The following ARAP1 variants were observed in gnomAD, a reference collection of about 807,000 sequenced individuals.
ARAP1 encodes the protein arf-GAP with Rho-GAP domain, ANK repeat and PH domain-containing protein 1.
In ARAP1, 76 loss-of-function variants were observed where a neutral mutation model predicts 172.2. That is an observed-to-expected ratio of 0.44 (90% CI 0.37 to 0.53). The LOEUF is 0.53. Among genes scored for constraint, ARAP1 ranks in the 20% least tolerant of loss-of-function variants. ARAP1 has a pLI of 0.00. For missense variants in ARAP1, 1,686 were observed against 1,977.5 expected, an observed-to-expected ratio of 0.85 and a Z score of 2.80; for synonymous variants, 804 against 803.3, an observed-to-expected ratio of 1.00 and a Z score of -0.01.
At chr11:72,696,842 C>T (rs1417582443) in intron 22 of ARAP1, 141 bp downstream of exon 22, 6 of 1,018,136 alleles carry the variant, frequency 5.9e-6, no homozygotes, top group Admixed American at 2.6e-5. Context: ...TATGGAGCGG[C>T]GATGGGAATG....
Position 72,746,505 on chromosome 11 carries a change from G to A in ARAP1, c.-128+5823C>T, listed in dbSNP as rs1050695020. On this transcript the variant is annotated intron_variant, in intron 1 of 34. Transcript: ENST00000393609. ...CCAACTCGAGGCTTTTTAGGCTCTCGGAACCTAGAATTTCGGAAATTCAGA... is the reference window on the plus strand; with the variant it reads ...CCAACTCGAGGCTTTTTAGGCTCTCAGAACCTAGAATTTCGGAAATTCAGA... 3.3e-5 allele frequency among the ~76,000 whole-genome samples: 5 copies of A among 152,310 alleles called. No homozygotes were observed. The East Asian group carries it at 5.8e-4, about 18-fold the overall frequency.
At chr11:72,734,664 G>T (rs1014830584) in intron 1 of ARAP1, among the ~76,000 whole-genome samples, 1 of 152,158 alleles carries the variant, frequency 6.6e-6, no homozygotes, top group Non-Finnish European at 1.5e-5. Flanking sequence ...GATAAAGGGA[G>T]GTTAAACAAC....
intron 3 of ARAP1, among the ~76,000 whole-genome samples, chr11:72,717,192 G>A (rs1350172788): frequency 3.3e-5 from 5 of 152,160 alleles, no homozygotes; most frequent in African/African-American, 7.2e-5. Context: ...GGTCACCTGC[G>A]ATTCCCTTAG....
chr11:72,704,658 C>T, intron 13 of ARAP1: 1 of 300,024 alleles, frequency 3.3e-6, no homozygotes, highest in Non-Finnish European at 6.2e-6. Context: ...GCTCTGCATT[C>T]CTGAGGCTGT....
intron 3 of ARAP1, among the ~76,000 whole-genome samples, chr11:72,719,837 G>A (rs957156145): frequency 6.6e-6 from 1 of 152,038 alleles, no homozygotes; most frequent in East Asian, 1.9e-4. Context: ...CATACTTACA[G>A]GCCTTTAATA....
chr11:72,735,798 T>C (rs992414532), intron 1 of ARAP1, among the ~76,000 whole-genome samples: 3 of 152,198 alleles, frequency 2.0e-5, no homozygotes, highest in Middle Eastern at 3.2e-3. Flanking sequence ...TAAGGGCATC[T>C]GGCTAACATC....
intron 14 of ARAP1, chr11:72,703,483 A>C: frequency 1.2e-5 from 2 of 165,212 alleles, no homozygotes; most frequent in Non-Finnish European, 2.6e-5. Context: ...CTCCCAACCA[A>C]TGGGAGTTGC....
Position 72,726,469 on chromosome 11 carries a change from C to G in ARAP1, c.509+151G>C. ...TCTCCCCTCCTCCTGAGTCACCAGA[C>G]AGCAATCCTGTCCTCCGAGCTTTGC... On this transcript the variant is annotated intron_variant, in intron 3 of 34. Coordinates refer to ENST00000393609, the MANE Select transcript of ARAP1 (RefSeq NM_001040118.3). The surrounding 1 kb of genome is among the most constrained non-coding windows in gnomAD (Gnocchi z 6.5). 3 of 1,104,692 alleles carry G rather than the reference C, an allele frequency of 2.7e-6. No homozygotes were observed. The highest frequency in any genetic ancestry group is 3.8e-6 in the Non-Finnish European group (3 of 798,426). The allele number at this position is 1,104,692 out of a possible 1,614,324, so 68.4% of individuals were successfully genotyped here.
At chr11:72,744,427 A>T (rs970924540) in intron 1 of ARAP1, among the ~76,000 whole-genome samples, 73 of 152,108 alleles carry the variant, frequency 4.8e-4, no homozygotes, top group African/African-American at 1.6e-3. Flanking sequence ...ACCCAGTCCC[A>T]CCCAGTTATA....
At chr11:72,685,921 G>A in intron 34 of ARAP1, 121 bp downstream of exon 34, 1 of 1,560,786 alleles carries the variant, frequency 6.4e-7, no homozygotes, top group Non-Finnish European at 8.8e-7. Context: ...ACCAAGGCTG[G>A]AGGGAGGGGG....
intron 32 of ARAP1, 70 bp downstream of exon 32, chr11:72,687,618 G>A: frequency 3.7e-6 from 6 of 1,612,584 alleles, no homozygotes; most frequent in East Asian, 2.2e-5. Flanking sequence ...CAGTGATGAG[G>A]GACACAATGA....
intron 1 of ARAP1, among the ~76,000 whole-genome samples, chr11:72,738,497 C>G (rs559835422): frequency 2.6e-5 from 4 of 152,224 alleles, no homozygotes; most frequent in African/African-American, 9.6e-5. Flanking sequence ...AAGGAAAGAC[C>G]TAGCCCTATG....
intron 5 of ARAP1, 79 bp downstream of exon 5, chr11:72,713,097 G>T: frequency 7.0e-7 from 1 of 1,438,116 alleles, no homozygotes; most frequent in Non-Finnish European, 9.7e-7. Flanking sequence ...CTCTCTGTCT[G>T]GTAGTCCTCA....
chr11:72,727,035 G>T lies in ARAP1; in HGVS notation c.94C>A (p.Leu32Met). The T allele has an allele frequency of 6.2e-7, 1 of 1,610,158 alleles. No homozygotes were observed. The highest frequency in any genetic ancestry group is 1.1e-5 in the South Asian group (1 of 90,440). The change falls in exon 3 of 35, where the codon CTG becomes ATG. Residue 32 changes from leucine to methionine, a missense_variant. Leu to Met is a conservative substitution (Grantham distance 15). Around this residue, in one of 5 missense-constraint regions of ARAP1, gnomAD observed 190 missense variants for 228.6 expected, o/e 0.83. Coordinates refer to ENST00000393609, the MANE Select transcript of ARAP1 (RefSeq NM_001040118.3). ...CCTTGGCACTCAGTGGCCCACACCA[G>T]GCCATGCTGCTCAAAGAGCCCCGTG... ...QYTGLFEQHGLVWATECQGLS... is the reference protein window; with the variant it reads ...QYTGLFEQHGMVWATECQGLS...
intron 3 of ARAP1, among the ~76,000 whole-genome samples, chr11:72,722,685 T>C (rs1298527213): frequency 6.6e-6 from 1 of 152,186 alleles, no homozygotes; most frequent in African/African-American, 2.4e-5. Context: ...TGGCTCCAGC[T>C]GGGCAGCTGC....
rs747086021 is a variant in ARAP1, at chr11:72,713,167, T to C, written c.747+9A>G. 42 of 1,613,668 alleles carry C rather than the reference T, an allele frequency of 2.6e-5. No individual in the cohort carries two copies. The highest frequency in any genetic ancestry group is 3.4e-5 in the Non-Finnish European group (40 of 1,179,788). On this transcript the variant is annotated intron_variant, in intron 5 of 34. Transcript: ENST00000393609. ...CCTGACAGGCAGACAGTCCCATGCC[T>C]GGCCCCACCTTCTTGGTCATCACTC...
In ARAP1 at chr11:72,727,187, C is replaced by G. The variant is rs1170010700; in HGVS notation, c.-44-15G>C. 6 of 1,499,640 alleles carry G rather than the reference C, an allele frequency of 4.0e-6. No homozygotes were observed. In the South Asian group the frequency reaches 7.8e-5, roughly 19 times the overall value. 92.9% of individuals were successfully genotyped at this position (1,499,640 alleles called of 1,614,324 possible). A position where few individuals can be genotyped will look rare whatever the true frequency, so the allele number is the denominator to read the frequency against. ...TTTGTCCAGAGCTAGAATAGACAGA[C>G]AGGCACAGGTCAGAGGCAGGGCTGC... On this transcript the variant is annotated splice_polypyrimidine_tract_variant and intron_variant, in intron 2 of 34. Transcript: ENST00000393609.
At chr11:72,696,710 C>T in intron 22 of ARAP1, 56 bp from the exon 23 acceptor site, 1 of 1,435,504 alleles carries the variant, frequency 7.0e-7, no homozygotes, top group Non-Finnish European at 9.5e-7. Context: ...TTCCCCCCAC[C>T]CCGCCTGGGC....
Position 72,727,118 on chromosome 11 carries a change from G to GGTT in ARAP1, c.10_11insAAC (p.Ala4delinsGluPro). ...GGCCACCGATAGCGCAGCATCCCCA[G>GGTT]CCTCTGCCATGGTTCCTGCCAGCGG... On this transcript the variant is annotated protein_altering_variant, in exon 3 of 35. Coordinates refer to ENST00000393609, the MANE Select transcript of ARAP1 (RefSeq NM_001040118.3). 1 of 1,587,034 alleles carries GGTT rather than the reference G, an allele frequency of 6.3e-7. No individual in the cohort carries two copies. The highest frequency in any genetic ancestry group is 8.6e-7 in the Non-Finnish European group (1 of 1,162,480).
Sources: allele counts gnomAD v4.1 joint callset (sites outside exome capture counted in the v4.1 genomes callset), GRCh38; gene constraint gnomAD v4.1.1; regional missense constraint gnomAD v4.1.1; non-coding constraint Gnocchi (gnomAD v3.1); transcripts MANE v1.5; gene names NCBI Gene and HGNC (gene_info 2026-07-23, HGNC 2026-07-21).